The following OSBPL9 variants were observed in gnomAD, a reference collection of about 807,000 sequenced individuals.
OSBPL9 encodes the protein oxysterol-binding protein-related protein 9.
A neutral mutation model predicts 106.6 loss-of-function variants in OSBPL9; 40 were observed. That is an observed-to-expected ratio of 0.38 (90% CI 0.29 to 0.49). The LOEUF (loss-of-function observed/expected upper bound fraction) is 0.49, where lower values mean the gene tolerates loss of function less well. Among genes scored for constraint, OSBPL9 ranks in the 20% least tolerant of loss-of-function variants. The pLI, the probability that OSBPL9 is intolerant of heterozygous loss-of-function variation, is 0.97. For missense variants in OSBPL9, 609 were observed against 887.2 expected (o/e 0.69, Z 3.98); for synonymous variants, 269 against 295.4 (o/e 0.91, Z 0.92).
chr1:51,549,077 AAC>A, the OSBPL9 span, among the ~76,000 whole-genome samples: 1 of 152,184 alleles, frequency 6.6e-6, no homozygotes, highest in African/African-American at 2.4e-5. Flanking sequence ...AAGTTTTCCA[AAC>A]CAGAATATTC....
chr1:51,752,023 G>A (rs1376761677), intron 8 of OSBPL9, among the ~76,000 whole-genome samples: 1 of 152,132 alleles, frequency 6.6e-6, no homozygotes, highest in Non-Finnish European at 1.5e-5. Flanking sequence ...TATTTGTACT[G>A]TATATGGACT....
chr1:51,635,159 C>T (rs932718219), intron 1 of OSBPL9, among the ~76,000 whole-genome samples: 4 of 152,100 alleles, frequency 2.6e-5, no homozygotes, highest in South Asian at 2.1e-4. Context: ...TGTCAGACTT[C>T]GAAAAGTGTG....
the OSBPL9 span, among the ~76,000 whole-genome samples, chr1:51,571,791 G>T: frequency 1.3e-5 from 2 of 152,200 alleles, no homozygotes; most frequent in African/African-American, 2.4e-5. Context: ...CACCGAACCT[G>T]CAGGCAAGAC....
intron 3 of OSBPL9, among the ~76,000 whole-genome samples, chr1:51,684,698 T>C (rs1235078603): frequency 2.0e-5 from 3 of 151,966 alleles, no homozygotes; most frequent in African/African-American, 7.2e-5. Context: ...ACCTGGCTAA[T>C]TTTTCTTTAA....
intron 3 of OSBPL9, among the ~76,000 whole-genome samples, chr1:51,682,683 G>C (rs1652836897): frequency 1.3e-5 from 2 of 150,606 alleles, no homozygotes. Flanking sequence ...CTCGAACCCA[G>C]GAGGGGGAAG....
At chr1:51,730,609 C>T (rs550385934) in intron 4 of OSBPL9, among the ~76,000 whole-genome samples, 164 of 152,124 alleles carry the variant, frequency 1.1e-3, no homozygotes, top group African/African-American at 3.6e-3. Context: ...TTAGCCCAGC[C>T]GAGTTATGGA....
At chr1:51,603,513 T>C (rs1645333453) in intron 2 of OSBPL9, among the ~76,000 whole-genome samples, 1 of 152,232 alleles carries the variant, frequency 6.6e-6, no homozygotes, top group South Asian at 2.1e-4. Flanking sequence ...ATACTGCCTC[T>C]CTTTCCTAGA....
At chr1:51,764,443 G>A (rs1274784408) in intron 11 of OSBPL9, among the ~76,000 whole-genome samples, 3 of 151,992 alleles carry the variant, frequency 2.0e-5, no homozygotes, top group Non-Finnish European at 4.4e-5. Context: ...TACCTTTTAG[G>A]GGTTAAACTT....
intron 23 of OSBPL9, 76 bp from the exon 24 acceptor site, chr1:51,787,639 G>C: frequency 1.3e-6 from 2 of 1,586,912 alleles, no homozygotes; most frequent in Non-Finnish European, 1.7e-6. Flanking sequence ...GGGGTGGGGA[G>C]CAGATATGAA....
At chr1:51,682,383 G>A (rs750924363) in intron 3 of OSBPL9, among the ~76,000 whole-genome samples, 20 of 152,154 alleles carry the variant, frequency 1.3e-4, no homozygotes, top group Admixed American at 9.8e-4. Flanking sequence ...CGCACTCCCC[G>A]CATTCACTCA....
chr1:51,762,521 A>C (rs1190301107), intron 11 of OSBPL9, among the ~76,000 whole-genome samples: 1 of 152,164 alleles, frequency 6.6e-6, no homozygotes, highest in East Asian at 1.9e-4. Flanking sequence ...CTTAACATTT[A>C]TTTGGTGATC....
In OSBPL9 at chr1:51,760,736, A is replaced by C. The variant is rs1456008528; in HGVS notation, c.629A>C (p.Glu210Ala). Residue 210 changes from glutamate (E) to alanine (A), a missense_variant, in exon 10 of 24, where the codon GAA becomes GCA. By Grantham distance (107) the Glu-to-Ala change is moderately radical. Around this residue, in one of 5 missense-constraint regions of OSBPL9, gnomAD observed 356 missense variants for 505.8 expected, o/e 0.70. Coordinates refer to ENST00000428468, the MANE Select transcript of OSBPL9 (RefSeq NM_024586.6). ...GCAATATATCAACCTAGTCCTTTGGAACCTGTGATCAGCACAATGCCTTCC... is the reference window on the plus strand; with the variant it reads ...GCAATATATCAACCTAGTCCTTTGGCACCTGTGATCAGCACAATGCCTTCC... ...VDAIYQPSPL[E>A]PVISTMPSQT... 6.2e-7 allele frequency: 1 copy of C among 1,613,912 alleles called. No individual in the cohort carries two copies. The highest frequency in any genetic ancestry group is 1.7e-5 in the Admixed American group (1 of 60,006).
At chr1:51,682,669 A>C (rs1036212906) in intron 3 of OSBPL9, among the ~76,000 whole-genome samples, 1 of 151,732 alleles carries the variant, frequency 6.6e-6, no homozygotes, top group African/African-American at 2.4e-5. Context: ...GAGGCAGGAG[A>C]TCGCTCGAAC....
At chr1:51,572,025 C>T in the OSBPL9 span, among the ~76,000 whole-genome samples, 722 of 152,132 alleles carry the variant, frequency 4.7e-3, 2 homozygotes, top group Middle Eastern at 0.021. Context: ...CACAGCTTCC[C>T]GTGGGTCACA....
At chr1:51,570,754 G>C in the OSBPL9 span, among the ~76,000 whole-genome samples, 1 of 152,200 alleles carries the variant, frequency 6.6e-6, no homozygotes, top group Admixed American at 6.5e-5. Flanking sequence ...AAGTGAGTAA[G>C]AGATCTGAGA....
chr1:51,606,630 G>A (rs1421680153), intron 2 of OSBPL9, among the ~76,000 whole-genome samples: 1 of 152,318 alleles, frequency 6.6e-6, no homozygotes, highest in East Asian at 1.9e-4. Flanking sequence ...ATTATAAATG[G>A]CAAATGCCTG....
chr1:51,772,690 G>C lies in OSBPL9; in HGVS notation c.1137G>C (p.Leu379Phe). Residue 379 changes from leucine to phenylalanine, a missense_variant, in exon 14 of 24, where the codon TTG becomes TTC. Physicochemically the swap from Leu to Phe is conservative, Grantham distance 22. Around this residue, in one of 5 missense-constraint regions of OSBPL9, gnomAD observed 356 missense variants for 505.8 expected, o/e 0.70. Coordinates refer to ENST00000428468, the MANE Select transcript of OSBPL9 (RefSeq NM_024586.6). ...ACAAGAGCGTTATCATGCATCTCTTGTCGCAGGTTAGACTTGGAATGGATC... is the reference window on the plus strand; with the variant it reads ...ACAAGAGCGTTATCATGCATCTCTTCTCGCAGGTTAGACTTGGAATGGATC... ...EEHKSVIMHL[L>F]SQVRLGMDLT... The C allele has an allele frequency of 6.2e-7, 1 of 1,614,184 alleles. No individual in the cohort carries two copies. Among genetic ancestry groups the C allele is most frequent in the Non-Finnish European group, 8.5e-7 (1 of 1,180,028 alleles).
chr1:51,600,418 C>T (rs1643997193), intron 2 of OSBPL9, among the ~76,000 whole-genome samples: 1 of 152,074 alleles, frequency 6.6e-6, no homozygotes, highest in Non-Finnish European at 1.5e-5. Context: ...CCCTTATGGA[C>T]CCCTTCTTCC....
chr1:51,760,683 A>G lies in OSBPL9; in HGVS notation c.583-7A>G, dbSNP rs781515257. ...AAAAATAGCTATATTGTGTTTCTTT[A>G]TTTTAGAGTACTATTAATCCCGTAG... On this transcript the variant is annotated splice_region_variant and splice_polypyrimidine_tract_variant and intron_variant, in intron 9 of 23. Coordinates refer to ENST00000428468, the MANE Select transcript of OSBPL9 (RefSeq NM_024586.6). The G allele has an allele frequency of 6.2e-7, 1 of 1,613,554 alleles. No homozygotes were observed. The highest frequency in any genetic ancestry group is 8.5e-7 in the Non-Finnish European group (1 of 1,179,718).
Sources: gnomAD v4.1 joint callset for allele counts (sites outside exome capture counted in the v4.1 genomes callset) on GRCh38, gnomAD v4.1.1 for gene constraint, gnomAD v4.1.1 regional missense constraint, MANE v1.5 for transcripts, NCBI Gene and HGNC (gene_info 2026-07-23, HGNC 2026-07-21) for gene names.